FRAS1: variants seen among roughly 807,000 people sequenced by gnomAD.
The protein encoded by FRAS1 is extracellular matrix organizing protein FRAS1.
In FRAS1, 290 loss-of-function variants were observed where a neutral mutation model predicts 435.2. The ratio of observed to expected loss-of-function variants is 0.67; its 90% CI spans 0.61 to 0.73. FRAS1 has a LOEUF of 0.73. Among genes scored for constraint, FRAS1 ranks in the 30% least tolerant of loss-of-function variants. FRAS1 has a pLI of 0.00. For synonymous variants in FRAS1, 1,800 were observed against 1,851.0 expected (o/e 0.97, Z 0.71); for missense variants, 4,860 against 5,001.5 (o/e 0.97, Z 0.85).
intron 4 of FRAS1, among the ~76,000 whole-genome samples, chr4:78,248,499 A>G (rs1725365034): frequency 6.6e-6 from 1 of 152,168 alleles, no homozygotes; most frequent in Admixed American, 6.6e-5. Context: ...TCTAGTGCCC[A>G]GCCTGATTGA....
At chr4:78,530,563 G>A (rs557494972) in intron 70 of FRAS1, among the ~76,000 whole-genome samples, 8 of 152,210 alleles carry the variant, frequency 5.3e-5, no homozygotes, top group South Asian at 2.1e-4. Flanking sequence ...AAATAGCATT[G>A]GGAAAAGTGG....
At chr4:78,488,779 C>A in intron 58 of FRAS1, 96 bp from the exon 59 acceptor site, 1 of 1,137,998 alleles carries the variant, frequency 8.8e-7, no homozygotes, top group Non-Finnish European at 1.3e-6. Flanking sequence ...GTGGAGCTCA[C>A]CTGCCAAAAT....
rs1470022895 is a variant in FRAS1, at chr4:78,252,448, A to T, written c.366A>T (p.Glu122Asp). ...GTGTGTGCTCTTGCAATCATGGGGA[A>T]GTCCGATGTACCCCCCAACCATGCC... Reference protein sequence around the residue: ...PCSVCSCNHGEVRCTPQPCPP... With the variant: ...PCSVCSCNHGDVRCTPQPCPP... Residue 122 changes from glutamate to aspartate, a missense_variant, in exon 5 of 74, where the codon GAA becomes GAT. Physicochemically the swap from Glu to Asp is conservative, Grantham distance 45. Transcript: ENST00000512123. 1.2e-6 allele frequency: 2 copies of T among 1,613,664 alleles called. No individual in the cohort carries two copies. Among genetic ancestry groups the T allele is most frequent in the Non-Finnish European group, 1.7e-6 (2 of 1,179,748 alleles).
intron 2 of FRAS1, among the ~76,000 whole-genome samples, chr4:78,187,281 T>C (rs1722314859): frequency 6.6e-6 from 1 of 152,192 alleles, no homozygotes; most frequent in Non-Finnish European, 1.5e-5. Flanking sequence ...CCCTTAGCTT[T>C]GTCCTCATCA....
At chr4:78,376,215 G>T (rs942091897) in intron 26 of FRAS1, among the ~76,000 whole-genome samples, 2 of 151,964 alleles carry the variant, frequency 1.3e-5, no homozygotes, top group Admixed American at 1.3e-4. Flanking sequence ...TTAATGATGG[G>T]GATACATTCT....
chr4:78,516,718 TGAGA>T (rs1177012930), intron 66 of FRAS1, among the ~76,000 whole-genome samples: 1 of 151,970 alleles, frequency 6.6e-6, no homozygotes, highest in Non-Finnish European at 1.5e-5. Context: ...TGGTGGCAGG[TGAGA>T]GAGAGCAAGC....
In FRAS1 at chr4:78,482,007, G is replaced by A. The variant is rs1420246544; in HGVS notation, c.8604+43G>A. On this transcript the variant is annotated intron_variant, in intron 57 of 73. Transcript: ENST00000512123. ...GAGACTCCACAAAGTTGACAGGTCG[G>A]TTTGTGAATGTTGTCTTTAGTTTGC... The A allele has an allele frequency of 2.5e-6, 4 of 1,581,858 alleles. No individual in the cohort carries two copies. The Admixed American group carries it at 5.5e-5, about 22-fold the overall frequency.
At chr4:78,508,288 A>G (rs551902388) in intron 62 of FRAS1, among the ~76,000 whole-genome samples, 1 of 152,216 alleles carries the variant, frequency 6.6e-6, no homozygotes, top group Non-Finnish European at 1.5e-5. Flanking sequence ...AAGAATGATG[A>G]TTATTTCAAA....
chr4:78,489,963 G>GAAAAAAA (rs1553891063), intron 59 of FRAS1, among the ~76,000 whole-genome samples: 8 of 6,038 alleles, frequency 1.3e-3, no homozygotes, highest in Admixed American at 2.6e-3. Flanking sequence ...AAAGCTAGTG[G>GAAAAAAA]AAAACAAAAA....
chr4:78,363,701 A>G (rs1254586651), intron 21 of FRAS1, 36 bp downstream of exon 21: 4 of 1,554,190 alleles, frequency 2.6e-6, no homozygotes, highest in Non-Finnish European at 2.6e-6. Flanking sequence ...TGGAGCTGCC[A>G]CCTGAGGTTC....
At chr4:78,186,752 T>A (rs1722286911) in intron 2 of FRAS1, among the ~76,000 whole-genome samples, 1 of 152,200 alleles carries the variant, frequency 6.6e-6, no homozygotes, top group Non-Finnish European at 1.5e-5. Flanking sequence ...AAGAAGATCG[T>A]AATGTGATGG....
At position 78,524,725 on chromosome 4, in the gene FRAS1, G is replaced by A. The variant is rs536971412; in HGVS notation, c.10809-1816G>A. Among the ~76,000 whole-genome samples the A allele has an allele frequency of 4.6e-5, 7 of 152,162 alleles. No homozygotes were observed. The South Asian group carries it at 1.5e-3, about 32-fold the overall frequency. On this transcript the variant is annotated intron_variant, in intron 69 of 73. Transcript: ENST00000512123. ...AGGTTCTGGGCACCTTGAATATATT[G>A]GTAAACAAAATAAAGATCCCTAAGT...
At chr4:78,302,818 T>C (rs1252469194) in intron 14 of FRAS1, among the ~76,000 whole-genome samples, 1 of 152,224 alleles carries the variant, frequency 6.6e-6, no homozygotes, top group African/African-American at 2.4e-5. Context: ...GCCTGTTCAC[T>C]CTGATGGTAG....
intron 2 of FRAS1, among the ~76,000 whole-genome samples, chr4:78,091,575 C>T (rs1409631667): frequency 6.6e-6 from 1 of 151,774 alleles, no homozygotes; most frequent in Non-Finnish European, 1.5e-5. Flanking sequence ...TTCAAAAGGG[C>T]ATTGCTTTCA....
intron 2 of FRAS1, among the ~76,000 whole-genome samples, chr4:78,185,265 A>G: frequency 6.6e-6 from 1 of 152,220 alleles, no homozygotes; most frequent in East Asian, 1.9e-4. Context: ...ATAGAGTGAA[A>G]GGCAAGTCAA....
Position 78,488,849 on chromosome 4 carries a change from G to A in FRAS1, c.8753-26G>A, listed in dbSNP as rs371951032. On this transcript the variant is annotated intron_variant, in intron 58 of 73. Coordinates refer to ENST00000512123, the MANE Select transcript of FRAS1 (RefSeq NM_025074.7). ...CTTCCCTGTCTTCCACTAATGGTGC[G>A]TCTGTCTTTCTGTCTGCCCACCTAG... The A allele has an allele frequency of 6.2e-4, 988 of 1,602,778 alleles. 1 individual carries two copies. The highest frequency in any genetic ancestry group is 2.4e-3 in the South Asian group (215 of 89,404).
rs552124681 is a variant in FRAS1, at chr4:78,175,624, C to T, written c.109-61886C>T. On this transcript the variant is annotated intron_variant, in intron 2 of 73. Transcript: ENST00000512123. The stretch of plus-strand genomic sequence containing the variant: ...CAGCAGGGAGCCAATATTAATTCTA[C>T]ATCTGAAAGGGAAAGGAAGAAGAGC... Among the ~76,000 whole-genome samples the T allele has an allele frequency of 1.1e-4, 16 of 152,280 alleles. No homozygotes were observed. The South Asian group carries it at 3.3e-3, about 32-fold the overall frequency.
chr4:78,252,470 T>C lies in FRAS1; in HGVS notation c.388T>C (p.Cys130Arg), dbSNP rs766950137. Residue 130 changes from cysteine to arginine, a missense_variant, in exon 5 of 74, where the codon TGC (cysteine) becomes CGC (arginine). Transcript: ENST00000512123. The part of the protein sequence containing the change: ...HGEVRCTPQP[C>R]PPLSCGHQEL... ...GGAAGTCCGATGTACCCCCCAACCA[T>C]GCCCACCGCTGTCATGTGGACACCA... The C allele has an allele frequency of 6.2e-7, 1 of 1,613,714 alleles. No individual in the cohort carries two copies. Among genetic ancestry groups the C allele is most frequent in the Admixed American group, 1.7e-5 (1 of 59,974 alleles).
chr4:78,112,310 A>G (rs1742777723), intron 2 of FRAS1, among the ~76,000 whole-genome samples: 1 of 152,188 alleles, frequency 6.6e-6, no homozygotes, highest in South Asian at 2.1e-4. Context: ...CTGGCTTTTT[A>G]AAAGACTCAC....
Sources: gnomAD v4.1 joint callset for allele counts (sites outside exome capture counted in the v4.1 genomes callset) on GRCh38, gnomAD v4.1.1 for gene constraint, MANE v1.5 for transcripts, NCBI Gene and HGNC (gene_info 2026-07-23, HGNC 2026-07-21) for gene names.